TPTE2: variants seen among roughly 807,000 people sequenced by gnomAD.
TPTE2 encodes the protein phosphatidylinositol 3,4,5-trisphosphate 3-phosphatase TPTE2.
In TPTE2, 53 loss-of-function variants were observed where a neutral mutation model predicts 78.6. The ratio of observed to expected loss-of-function variants is 0.67; its 90% confidence interval spans 0.54 to 0.85. TPTE2 has a LOEUF of 0.85. TPTE2 is among the 40% of genes least tolerant of loss of function. TPTE2 has a pLI of 0.00. For missense variants in TPTE2, 461 were observed against 623.0 expected, an observed-to-expected ratio of 0.74 and a Z score of 2.77; for synonymous variants, 175 against 206.2, an observed-to-expected ratio of 0.85 and a Z score of 1.30.
the TPTE2 span, among the ~76,000 whole-genome samples, chr13:19,549,045 G>C: frequency 6.6e-6 from 1 of 151,808 alleles, no homozygotes; most frequent in Non-Finnish European, 1.5e-5. Context: ...ACTTAAGCCT[G>C]GGAGGCAGAG....
intron 11 of TPTE2, among the ~76,000 whole-genome samples, chr13:19,450,908 A>G (rs1878134168): frequency 6.6e-6 from 1 of 152,154 alleles, no homozygotes; most frequent in African/African-American, 2.4e-5. Flanking sequence ...TGGCCAGAAC[A>G]GATCTTCCCT....
chr13:19,560,801 C>G, the TPTE2 span: 1 of 1,490,864 alleles, frequency 6.7e-7, no homozygotes. Flanking sequence ...ACCGCTTGTA[C>G]TCCCGCCCAC....
upstream of TPTE2, among the ~76,000 whole-genome samples, chr13:19,541,408 G>A (rs1483177514): frequency 6.6e-6 from 1 of 152,150 alleles, no homozygotes; most frequent in Non-Finnish European, 1.5e-5. Context: ...TTTACTTGGG[G>A]TTACTATAGA....
chr13:19,556,536 C>G, the TPTE2 span, among the ~76,000 whole-genome samples: 5 of 152,084 alleles, frequency 3.3e-5, no homozygotes, highest in African/African-American at 4.8e-5. Context: ...CATTCTCCCC[C>G]CCACCTTTGA....
chr13:19,549,318 T>A, the TPTE2 span, among the ~76,000 whole-genome samples: 135 of 151,732 alleles, frequency 8.9e-4, no homozygotes, highest in Non-Finnish European at 1.7e-3. Flanking sequence ...GCAAAAACAA[T>A]CAACCCTATT....
At chr13:19,459,622 G>T (rs991871266) in intron 10 of TPTE2, among the ~76,000 whole-genome samples, 25 of 152,192 alleles carry the variant, frequency 1.6e-4, no homozygotes, top group African/African-American at 5.8e-4. Flanking sequence ...GATGGCAGCT[G>T]CCCCTCCCGC....
intron 1 of TPTE2, among the ~76,000 whole-genome samples, chr13:19,534,135 C>T (rs1040637327): frequency 1.3e-5 from 2 of 152,232 alleles, no homozygotes; most frequent in African/African-American, 4.8e-5. Flanking sequence ...CTGCCTTAAA[C>T]ATACAACGCT....
chr13:19,525,265 G>A (rs1336488639), intron 1 of TPTE2, among the ~76,000 whole-genome samples: 1 of 152,144 alleles, frequency 6.6e-6, no homozygotes, highest in African/African-American at 2.4e-5. Flanking sequence ...AAAGAATGAA[G>A]CTGGAGATGC....
intron 15 of TPTE2, among the ~76,000 whole-genome samples, chr13:19,435,272 GGTATAATATTGTTAGATATGATAAAAA>G (rs1876985815): frequency 6.6e-6 from 1 of 152,148 alleles, no homozygotes; most frequent in Non-Finnish European, 1.5e-5. Flanking sequence ...GGATTTTTAA[GGTATAATATTGTTAGATATGATAAAAA>G]GTGTTAAGGT....
chr13:19,472,476 C>T (rs1208973244), intron 6 of TPTE2, among the ~76,000 whole-genome samples: 2 of 152,196 alleles, frequency 1.3e-5, no homozygotes, highest in African/African-American at 2.4e-5. Context: ...GTGCCAATTA[C>T]ATTTTTTGGC....
the TPTE2 span, among the ~76,000 whole-genome samples, chr13:19,547,400 G>A: frequency 6.6e-6 from 1 of 152,192 alleles, no homozygotes; most frequent in Non-Finnish European, 1.5e-5. Flanking sequence ...TAGTTAGACT[G>A]TGAAGAAATA....
Position 19,462,726 on chromosome 13 carries a change from G to A in TPTE2, c.741+1730C>T, listed in dbSNP as rs140678650. 6.8e-4 allele frequency among the ~76,000 whole-genome samples: 104 copies of A among 151,838 alleles called. 2 individuals are homozygous for A. The East Asian group carries it at 0.019, about 28-fold the overall frequency. On this transcript the variant is annotated intron_variant, in intron 10 of 19. Transcript: ENST00000400230. ...CCTAGCTAATTTTTTTCTATTGTTT[G>A]TAGAAATGTGGTTTCTTCATGTTGG...
the TPTE2 span, among the ~76,000 whole-genome samples, chr13:19,546,483 CTT>C: frequency 0.075 from 6,335 of 84,456 alleles, 53 homozygotes; most frequent in Non-Finnish European, 0.11. Flanking sequence ...TTTTCTTTTT[CTT>C]TTTTTTTTTT....
intron 10 of TPTE2, among the ~76,000 whole-genome samples, chr13:19,461,963 C>A (rs1878936383): frequency 2.0e-5 from 3 of 147,076 alleles, no homozygotes; most frequent in African/African-American, 5.2e-5. Context: ...TCTTGGCAGC[C>A]AACTCTATAT....
chr13:19,462,380 G>A (rs561432711), intron 10 of TPTE2, among the ~76,000 whole-genome samples: 21 of 151,712 alleles, frequency 1.4e-4, no homozygotes, highest in Admixed American at 3.3e-4. Context: ...AGTATTCTTG[G>A]TTGACAGTTT....
chr13:19,456,802 G>A (rs1878563685), intron 10 of TPTE2, among the ~76,000 whole-genome samples: 1 of 152,142 alleles, frequency 6.6e-6, no homozygotes, highest in African/African-American at 2.4e-5. Context: ...GAGTGTGTGT[G>A]TGTGTATGTA....
intron 17 of TPTE2, among the ~76,000 whole-genome samples, chr13:19,430,178 C>G (rs1404246435): frequency 6.6e-6 from 1 of 152,116 alleles, no homozygotes; most frequent in Non-Finnish European, 1.5e-5. Context: ...AAATTAAAAT[C>G]CTTAATACAT....
chr13:19,432,834 G>T (rs1593348076), intron 15 of TPTE2, among the ~76,000 whole-genome samples: 1 of 151,908 alleles, frequency 6.6e-6, no homozygotes, highest in East Asian at 1.9e-4. Context: ...GCTGCTTATG[G>T]TTGAGAGGGC....
rs111870515 is a variant in TPTE2 at position 19,460,204 on chromosome 13, C to A, written c.741+4252G>T. On this transcript the variant is annotated intron_variant, in intron 10 of 19. Transcript: ENST00000400230. Reference sequence around the variant, plus strand: ...CCGCAGCCCTGGTGACATGGGCTCACAAGGGGATCTCTTGATCCATGGCTT... The same window carrying A: ...CCGCAGCCCTGGTGACATGGGCTCAAAAGGGGATCTCTTGATCCATGGCTT... Among the ~76,000 whole-genome samples, 59 of 152,306 alleles carry A rather than the reference C, an allele frequency of 3.9e-4. 1 individual carries two copies. Among genetic ancestry groups the A allele is most frequent in the African/African-American group, 1.4e-3 (57 of 41,580 alleles).
Sources: gnomAD v4.1 joint callset for allele counts (sites outside exome capture counted in the v4.1 genomes callset) on GRCh38, gnomAD v4.1.1 for gene constraint, MANE v1.5 for transcripts, NCBI Gene and HGNC (gene_info 2026-07-23, HGNC 2026-07-21) for gene names.